SYT16: variants seen among roughly 807,000 people sequenced by gnomAD.
The protein encoded by SYT16 is synaptotagmin-16.
In SYT16, 42 loss-of-function variants were observed where a neutral mutation model predicts 61.4. The ratio of observed to expected loss-of-function variants is 0.68; its 90% confidence interval spans 0.53 to 0.89. The LOEUF (loss-of-function observed/expected upper bound fraction) is 0.89, where lower values mean the gene tolerates loss of function less well. SYT16 is among the 40% of genes least tolerant of loss of function. The pLI, the probability that SYT16 is intolerant of heterozygous loss-of-function variation, is 0.00. For synonymous variants in SYT16, 314 were observed against 302.3 expected (o/e 1.04, Z -0.40); for missense variants, 804 against 807.3 (o/e 1.00, Z 0.05).
rs1017114515 is a variant in SYT16 at position 61,938,483 on chromosome 14, A to G, written c.-324-31649A>G. 4.6e-5 allele frequency among the ~76,000 whole-genome samples: 7 copies of G among 152,192 alleles called. No homozygotes were observed. In the East Asian group the frequency reaches 1.4e-3, roughly 29 times the overall value. On this transcript the variant is annotated intron_variant, in intron 1 of 7. Transcript: ENST00000683842. ...CATTCTTGGGGAGGGGATTGGATTA[A>G]AGGTCCAGAGGCCTAGAAATGAATA...
intron 1 of SYT16, among the ~76,000 whole-genome samples, chr14:61,894,144 G>T (rs966586409): frequency 6.6e-6 from 1 of 152,118 alleles, no homozygotes; most frequent in Non-Finnish European, 1.5e-5. Flanking sequence ...AATTAGCCGG[G>T]CATTGTGGCA....
intron 2 of SYT16, among the ~76,000 whole-genome samples, chr14:61,993,142 T>G (rs1010241716): frequency 1.8e-4 from 27 of 152,194 alleles, no homozygotes; most frequent in African/African-American, 5.8e-4. Flanking sequence ...TCAGAGATTT[T>G]GGGTTGCATA....
chr14:62,078,731 A>G (rs964926077), intron 5 of SYT16, among the ~76,000 whole-genome samples: 1 of 152,236 alleles, frequency 6.6e-6, no homozygotes, highest in Non-Finnish European at 1.5e-5. Flanking sequence ...ACTACGGGGC[A>G]AAAAGTAGAC....
chr14:62,050,226 C>T lies in SYT16; in HGVS notation c.524-19377C>T, dbSNP rs189807779. Among the ~76,000 whole-genome samples, 125 of 152,256 alleles carry T rather than the reference C, an allele frequency of 8.2e-4. No individual in the cohort carries two copies. In the Middle Eastern group the frequency reaches 0.02, roughly 25 times the overall value. On this transcript the variant is annotated intron_variant, in intron 3 of 7. Coordinates refer to ENST00000683842, the MANE Select transcript of SYT16 (RefSeq NM_001367656.1). ...TCTCGCTTCATTTCGTTCATTTTGT[C>T]TTCCTTTGCTGATACCCTTTCTTCC...
chr14:62,092,173 AACACACACACACACACACAC>A lies in SYT16; in HGVS notation c.1624+7823_1624+7842del, dbSNP rs56324432. ...TCATACCCATTAGGATGGCTACTATAACACACACACACACACACACACACACACACACACACACACACACA... is the reference window on the plus strand; with the variant it reads ...TCATACCCATTAGGATGGCTACTATAACACACACACACACACACACACACA... On this transcript the variant is annotated intron_variant, in intron 7 of 7. Transcript: ENST00000683842. Among the ~76,000 whole-genome samples the A allele has an allele frequency of 4.9e-3, 643 of 131,390 alleles. 5 individuals carry two copies. Among genetic ancestry groups the A allele is most frequent in the African/African-American group, 0.017 (594 of 35,934 alleles). 86.2% of individuals were successfully genotyped at this position (131,390 alleles called of 152,430 possible). A position where few individuals can be genotyped will look rare whatever the true frequency, so the allele number is the denominator to read the frequency against.
At chr14:61,935,462 GC>G (rs763845268) in intron 1 of SYT16, among the ~76,000 whole-genome samples, 8 of 152,286 alleles carry the variant, frequency 5.3e-5, no homozygotes, top group Non-Finnish European at 1.2e-4. Flanking sequence ...AGCCTTGGTC[GC>G]TGGTACTGGC....
chr14:62,049,269 G>A (rs1168144872), intron 3 of SYT16, among the ~76,000 whole-genome samples: 7 of 152,244 alleles, frequency 4.6e-5, no homozygotes, highest in African/African-American at 1.7e-4. Flanking sequence ...TTGGTTTAAA[G>A]TCTGTTTTAT....
intron 1 of SYT16, among the ~76,000 whole-genome samples, chr14:61,857,209 A>C (rs1325720790): frequency 6.6e-6 from 1 of 152,186 alleles, no homozygotes; most frequent in Non-Finnish European, 1.5e-5. Flanking sequence ...TTTTCTGCTC[A>C]GACAATGGGA....
At chr14:61,908,276 A>G (rs981475276) in intron 1 of SYT16, among the ~76,000 whole-genome samples, 2 of 152,240 alleles carry the variant, frequency 1.3e-5, no homozygotes, top group African/African-American at 2.4e-5. Flanking sequence ...AGAATCAAAC[A>G]TATGCCATGG....
intron 7 of SYT16, among the ~76,000 whole-genome samples, chr14:62,096,022 G>T (rs1379739837): frequency 1.3e-5 from 2 of 151,916 alleles, no homozygotes; most frequent in East Asian, 3.8e-4. Context: ...ATTATTTAAT[G>T]AATAATCCTT....
intron 3 of SYT16, among the ~76,000 whole-genome samples, chr14:62,024,388 A>G (rs1255859138): frequency 6.6e-6 from 1 of 152,112 alleles, no homozygotes; most frequent in East Asian, 1.9e-4. Flanking sequence ...TGCTATTTTT[A>G]TTACTGATTA....
chr14:61,816,936 G>T (rs2045451734), intron 1 of SYT16, among the ~76,000 whole-genome samples: 2 of 150,090 alleles, frequency 1.3e-5, no homozygotes. Flanking sequence ...GCGTGAACCC[G>T]GAAGGTGGAG....
At chr14:62,086,073 G>T (rs2056875688) in intron 7 of SYT16, among the ~76,000 whole-genome samples, 1 of 152,112 alleles carries the variant, frequency 6.6e-6, no homozygotes, top group African/African-American at 2.4e-5. Flanking sequence ...TTGGTATATT[G>T]GGTGGTACCG....
At chr14:61,889,253 A>C (rs1478935183) in intron 1 of SYT16, among the ~76,000 whole-genome samples, 1 of 152,154 alleles carries the variant, frequency 6.6e-6, no homozygotes, top group Non-Finnish European at 1.5e-5. Context: ...TTCAAAGATA[A>C]GGGGTTACTG....
intron 3 of SYT16, among the ~76,000 whole-genome samples, chr14:62,005,428 C>A (rs1213538269): frequency 1.5e-4 from 23 of 152,128 alleles, no homozygotes; most frequent in African/African-American, 5.6e-4. Context: ...AGGTTCCTAT[C>A]CATTCTGCCT....
At chr14:61,851,472 TG>T (rs201903673) in intron 1 of SYT16, among the ~76,000 whole-genome samples, 10,922 of 152,240 alleles carry the variant, frequency 0.072, 488 homozygotes, top group Non-Finnish European at 0.1. Flanking sequence ...TCTAGGTCTT[TG>T]AGGAATCACC....
At chr14:62,067,182 T>C (rs898604508) in intron 3 of SYT16, among the ~76,000 whole-genome samples, 1 of 152,156 alleles carries the variant, frequency 6.6e-6, no homozygotes, top group Non-Finnish European at 1.5e-5. Flanking sequence ...CACCAAGTCA[T>C]TCAATATTTA....
At chr14:61,913,710 G>T (rs1158436573) in intron 1 of SYT16, among the ~76,000 whole-genome samples, 4 of 151,478 alleles carry the variant, frequency 2.6e-5, no homozygotes, top group Non-Finnish European at 5.9e-5. Context: ...GTCTTTGTGT[G>T]TGTGTGTGTG....
chr14:61,986,372 A>G (rs2052312447), intron 2 of SYT16, among the ~76,000 whole-genome samples: 2 of 151,436 alleles, frequency 1.3e-5, no homozygotes, highest in East Asian at 1.9e-4. Flanking sequence ...AATACTGGAT[A>G]TTTTGTCTTG....
Sources: gnomAD v4.1 joint callset for allele counts (sites outside exome capture counted in the v4.1 genomes callset) on GRCh38, gnomAD v4.1.1 for gene constraint, MANE v1.5 for transcripts, NCBI Gene and HGNC (gene_info 2026-07-23, HGNC 2026-07-21) for gene names.